The following JARID2 variants were observed in gnomAD, a reference collection of about 807,000 sequenced individuals.
JARID2 encodes the protein jumonji and AT-rich interaction domain containing 2, also known as protein Jumonji.
A neutral mutation model predicts 125.6 loss-of-function variants in JARID2; 21 were observed. The ratio of observed to expected loss-of-function variants is 0.17; its 90% CI spans 0.12 to 0.24. The LOEUF is 0.24. JARID2 is among the 10% of genes least tolerant of loss of function. The pLI, the probability that JARID2 is intolerant of heterozygous loss-of-function variation, is 1.00. For synonymous variants in JARID2, 736 were observed against 661.6 expected, an observed-to-expected ratio of 1.11 and a Z score of -1.73; for missense variants, 1,303 against 1,639.6, an observed-to-expected ratio of 0.79 and a Z score of 3.55.
chr6:15,391,936 G>A lies in JARID2; in HGVS notation c.181+17684G>A, dbSNP rs190230897. Among the ~76,000 whole-genome samples the A allele has an allele frequency of 2.4e-3, 360 of 152,302 alleles. 2 individuals carry two copies. The highest frequency in any genetic ancestry group is 8.3e-3 in the African/African-American group (347 of 41,558). ...AAGCATTTGGATGCTTTTGCAGAATGTGGAGGGAAGCGAATGAGAAGTATT... is the reference window on the plus strand; with the variant it reads ...AAGCATTTGGATGCTTTTGCAGAATATGGAGGGAAGCGAATGAGAAGTATT... On this transcript the variant is annotated intron_variant, in intron 2 of 17. Coordinates refer to ENST00000341776, the MANE Select transcript of JARID2 (RefSeq NM_004973.4).
At chr6:15,400,946 T>G (rs1765407979) in intron 2 of JARID2, 3 of 1,289,424 alleles carry the variant, frequency 2.3e-6, no homozygotes, top group African/African-American at 3.0e-5. Flanking sequence ...GATCCGGCTC[T>G]GAGGATGGCT....
chr6:15,441,669 G>A (rs1767450349), intron 3 of JARID2, among the ~76,000 whole-genome samples: 1 of 152,186 alleles, frequency 6.6e-6, no homozygotes, highest in Admixed American at 6.5e-5. Flanking sequence ...GTCGTGTGCT[G>A]AATGGATGGT....
At chr6:15,368,550 C>A in intron 1 of JARID2, 1 of 350,318 alleles carries the variant, frequency 2.9e-6, no homozygotes, top group Admixed American at 3.7e-5. Flanking sequence ...ATATTTAATT[C>A]TGGTTGTTGG....
chr6:15,342,101 A>G (rs981119465), intron 1 of JARID2, among the ~76,000 whole-genome samples: 2 of 152,278 alleles, frequency 1.3e-5, no homozygotes, highest in South Asian at 4.1e-4. Flanking sequence ...GTTGGGTAAA[A>G]CATCGAGAAA....
At chr6:15,490,184 C>CT (rs1770082077) in intron 6 of JARID2, among the ~76,000 whole-genome samples, 1 of 152,146 alleles carries the variant, frequency 6.6e-6, no homozygotes, top group Admixed American at 6.5e-5. Flanking sequence ...AGACTGTGAC[C>CT]TTTCATCTTT....
chr6:15,332,315 A>G (rs1410082658), intron 1 of JARID2, among the ~76,000 whole-genome samples: 1 of 152,220 alleles, frequency 6.6e-6, no homozygotes, highest in Non-Finnish European at 1.5e-5. Flanking sequence ...CTGGGGCTCA[A>G]ACATGCCAGA....
At chr6:15,338,387 T>C (rs887110455) in intron 1 of JARID2, among the ~76,000 whole-genome samples, 8 of 152,258 alleles carry the variant, frequency 5.3e-5, no homozygotes, top group African/African-American at 1.9e-4. Context: ...CGTAGCCCTC[T>C]GCACAAAGGT....
chr6:15,346,992 C>T (rs1484964228), intron 1 of JARID2, among the ~76,000 whole-genome samples: 3 of 152,054 alleles, frequency 2.0e-5, no homozygotes, highest in Non-Finnish European at 4.4e-5. Context: ...CCTCAGCCTC[C>T]CAAAGTGCCG....
chr6:15,365,288 C>T lies in JARID2; in HGVS notation c.46-8829C>T, dbSNP rs1428084137. Among the ~76,000 whole-genome samples the T allele has an allele frequency of 3.3e-5, 5 of 152,194 alleles. No homozygotes were observed. The East Asian group carries it at 9.6e-4, about 29-fold the overall frequency. ...GTCTGTTAGATGCTGGAAGATAATC[C>T]TGCTGTAGATCTTGGGTCTTTTTTG... On this transcript the variant is annotated intron_variant, in intron 1 of 17. Coordinates refer to ENST00000341776, the MANE Select transcript of JARID2 (RefSeq NM_004973.4).
At chr6:15,422,589 T>C (rs1464617795) in intron 3 of JARID2, among the ~76,000 whole-genome samples, 1 of 152,212 alleles carries the variant, frequency 6.6e-6, no homozygotes, top group African/African-American at 2.4e-5. Context: ...CAAAAACCCT[T>C]GGTTCAGACC....
At chr6:15,507,498 T>C in intron 11 of JARID2, 82 bp downstream of exon 11, 2 of 1,161,454 alleles carry the variant, frequency 1.7e-6, no homozygotes, top group Non-Finnish European at 2.6e-6. Flanking sequence ...GGAAATCCCT[T>C]CTAAGCACTG....
At chr6:15,358,555 T>C (rs56265026) in intron 1 of JARID2, among the ~76,000 whole-genome samples, 7,474 of 152,332 alleles carry the variant, frequency 0.049, 215 homozygotes, top group South Asian at 0.12. Flanking sequence ...AGATTGATTC[T>C]GTTTCTTGAA....
chr6:15,493,439 G>A (rs1403658340), intron 6 of JARID2, among the ~76,000 whole-genome samples: 6 of 152,152 alleles, frequency 3.9e-5, no homozygotes, highest in Non-Finnish European at 8.8e-5. Context: ...GGTTATGTCC[G>A]GCACCATCTG....
At chr6:15,331,350 CAAAAACA>C (rs869198604) in intron 1 of JARID2, among the ~76,000 whole-genome samples, 6 of 148,686 alleles carry the variant, frequency 4.0e-5, no homozygotes, top group African/African-American at 1.0e-4. Context: ...AAAACAAAAA[CAAAAACA>C]AAAAAAACAA....
intron 4 of JARID2, among the ~76,000 whole-genome samples, chr6:15,455,804 A>T (rs1237146240): frequency 2.0e-5 from 3 of 152,238 alleles, no homozygotes; most frequent in African/African-American, 4.8e-5. Flanking sequence ...CTGGGATTAC[A>T]GGCATGAGTC....
At chr6:15,435,449 T>G (rs1767161995) in intron 3 of JARID2, among the ~76,000 whole-genome samples, 1 of 152,160 alleles carries the variant, frequency 6.6e-6, no homozygotes, top group Non-Finnish European at 1.5e-5. Context: ...TAGAGCCCCA[T>G]TTTAGGGCTT....
intron 1 of JARID2, among the ~76,000 whole-genome samples, chr6:15,318,362 A>T (rs1762246532): frequency 6.6e-6 from 1 of 152,238 alleles, no homozygotes; most frequent in South Asian, 2.1e-4. Flanking sequence ...GACAGCAGTG[A>T]GGTGCAGGGG....
intron 2 of JARID2, among the ~76,000 whole-genome samples, chr6:15,377,625 C>T (rs1764407376): frequency 6.6e-6 from 1 of 152,146 alleles, no homozygotes. Context: ...ACCACCACAC[C>T]TGGGCAACAA....
rs1199538352 is a variant in JARID2, at chr6:15,496,831, C to T, written c.1606C>T (p.Pro536Ser). 1.2e-6 allele frequency: 2 copies of T among 1,603,248 alleles called. No individual in the cohort carries two copies. Among genetic ancestry groups the T allele is most frequent in the African/African-American group, 2.7e-5 (2 of 74,944 alleles). Reference sequence around the variant, plus strand: ...CTCGCAACCGGAGTCCGTGCACAAGCCGCAGGACTCGGGCAAGGCCGAGAA... The same window carrying T: ...CTCGCAACCGGAGTCCGTGCACAAGTCGCAGGACTCGGGCAAGGCCGAGAA... ...STSQPESVHKPQDSGKAEKGG... is the reference protein window; with the variant it reads ...STSQPESVHKSQDSGKAEKGG... Residue 536 changes from proline to serine, a missense_variant, in exon 7 of 18, where the codon CCG becomes TCG. Physicochemically the swap from Pro to Ser is moderately conservative, Grantham distance 74 (BLOSUM62 -1). Around this residue, in one of 11 missense-constraint regions of JARID2, gnomAD observed 651 missense variants for 581.6 expected, o/e 1.12. Transcript: ENST00000341776.
Sources: allele counts gnomAD v4.1 joint callset (sites outside exome capture counted in the v4.1 genomes callset), GRCh38; gene constraint gnomAD v4.1.1; regional missense constraint gnomAD v4.1.1; transcripts MANE v1.5; gene names NCBI Gene and HGNC (gene_info 2026-07-23, HGNC 2026-07-21).